The following KCNQ3 variants were observed in gnomAD, a reference collection of about 807,000 sequenced individuals.
KCNQ3 encodes potassium voltage-gated channel subfamily Q member 3.
Under a neutral mutation model 92.5 loss-of-function variants are expected in KCNQ3, and 30 were observed. The observed-to-expected ratio is 0.32, with a 90% CI of 0.24 to 0.44. The LOEUF (loss-of-function observed/expected upper bound fraction) is 0.44, where lower values mean the gene tolerates loss of function less well. Ranked by LOEUF, KCNQ3 falls within the 20% of genes least tolerant of loss-of-function variation. KCNQ3 has a pLI of 1.00. For synonymous variants in KCNQ3, 450 were observed against 468.8 expected, an observed-to-expected ratio of 0.96 and a Z score of 0.52; for missense variants, 913 against 1,140.3, an observed-to-expected ratio of 0.80 and a Z score of 2.87.
chr8:132,310,252 C>T (rs545584776), intron 1 of KCNQ3, among the ~76,000 whole-genome samples: 1 of 152,318 alleles, frequency 6.6e-6, no homozygotes, highest in African/African-American at 2.4e-5. Context: ...GCTTTCACTG[C>T]TGTTTTACTG....
In KCNQ3 at chr8:132,480,432, G is replaced by T. The variant is rs1412895282; in HGVS notation, c.101C>A (p.Ala34Glu). 3 of 1,457,190 alleles carry T rather than the reference G, an allele frequency of 2.1e-6. No homozygotes were observed. The highest frequency in any genetic ancestry group is 2.7e-6 in the Non-Finnish European group (3 of 1,107,888). 90.3% of individuals were successfully genotyped at this position (1,457,190 alleles called of 1,614,324 possible). The change falls in exon 1 of 15, where the codon GCG becomes GAG. Residue 34 changes from alanine (A) to glutamate (E), a missense_variant. By Grantham distance (107) the Ala-to-Glu change is moderately radical. Transcript: ENST00000388996. ...TTTCCGCTCCTCGTCGCCGGCCGCC[G>T]CCGCGTCCCCTCCGGCTGGGTTAGC... The part of the protein sequence containing the change: ...GAANPAGGDA[A>E]AAGDEERKVG...
At chr8:132,460,764 A>C (rs1822043186) in intron 1 of KCNQ3, among the ~76,000 whole-genome samples, 1 of 152,212 alleles carries the variant, frequency 6.6e-6, no homozygotes, top group South Asian at 2.1e-4. Flanking sequence ...CACAAGGCTC[A>C]ATTTTTGTGC....
At chr8:132,226,496 A>G (rs1814425111) in intron 1 of KCNQ3, among the ~76,000 whole-genome samples, 1 of 152,196 alleles carries the variant, frequency 6.6e-6, no homozygotes, top group Admixed American at 6.5e-5. Flanking sequence ...TAAACTAAGA[A>G]ATTGACAAGT....
chr8:132,143,085 A>C (rs1166202994), intron 9 of KCNQ3, among the ~76,000 whole-genome samples: 1 of 152,202 alleles, frequency 6.6e-6, no homozygotes, highest in Non-Finnish European at 1.5e-5. Flanking sequence ...AGCAGTGAGC[A>C]GTTGTTATTC....
intron 3 of KCNQ3, 29 bp downstream of exon 3, chr8:132,184,212 A>C (rs758273512): frequency 6.2e-7 from 1 of 1,613,948 alleles, no homozygotes; most frequent in Non-Finnish European, 8.5e-7. Flanking sequence ...GGAACTGAGG[A>C]GGCTGGGAGG....
At chr8:132,144,278 C>A (rs1421746351) in intron 9 of KCNQ3, among the ~76,000 whole-genome samples, 1 of 152,206 alleles carries the variant, frequency 6.6e-6, no homozygotes, top group Non-Finnish European at 1.5e-5. Context: ...ACCTAAGAGG[C>A]TTATGGAATT....
At chr8:132,233,036 G>C (rs761599651) in intron 1 of KCNQ3, among the ~76,000 whole-genome samples, 4 of 152,172 alleles carry the variant, frequency 2.6e-5, no homozygotes, top group Non-Finnish European at 5.9e-5. Context: ...GCAGCTGCCT[G>C]CTTCAAATAT....
chr8:132,292,532 G>A (rs1234213894), intron 1 of KCNQ3, among the ~76,000 whole-genome samples: 1 of 152,128 alleles, frequency 6.6e-6, no homozygotes, highest in African/African-American at 2.4e-5. Flanking sequence ...TATAAGTGGA[G>A]ATATGGTTGA....
At chr8:132,306,603 C>T (rs1817430872) in intron 1 of KCNQ3, among the ~76,000 whole-genome samples, 1 of 152,164 alleles carries the variant, frequency 6.6e-6, no homozygotes, top group Non-Finnish European at 1.5e-5. Context: ...AGTATATGCA[C>T]ATCTAAATTT....
At chr8:132,365,262 T>C (rs1366171480) in intron 1 of KCNQ3, among the ~76,000 whole-genome samples, 3 of 152,272 alleles carry the variant, frequency 2.0e-5, no homozygotes, top group Non-Finnish European at 4.4e-5. Context: ...GCAAAGGAGC[T>C]AACATTTATT....
At chr8:132,366,995 G>T (rs931224150) in intron 1 of KCNQ3, among the ~76,000 whole-genome samples, 1 of 151,972 alleles carries the variant, frequency 6.6e-6, no homozygotes, top group African/African-American at 2.4e-5. Flanking sequence ...CTTATTTTTC[G>T]ATCTGAGCTG....
intron 1 of KCNQ3, chr8:132,447,239 G>T (rs2130845793): frequency 6.5e-7 from 1 of 1,535,592 alleles, no homozygotes; most frequent in South Asian, 1.2e-5. Flanking sequence ...GGTAATGAAT[G>T]CAAGAACAAG....
intron 1 of KCNQ3, among the ~76,000 whole-genome samples, chr8:132,240,162 CA>C (rs1814941583): frequency 1.3e-5 from 2 of 150,786 alleles, no homozygotes; most frequent in Admixed American, 1.3e-4. Context: ...ATGGCATATC[CA>C]TAGGCCTGTG....
In KCNQ3 at chr8:132,476,469, T is replaced by C. The variant is rs1432851299; in HGVS notation, c.386+3678A>G. Among the ~76,000 whole-genome samples, 6 of 152,218 alleles carry C rather than the reference T, an allele frequency of 3.9e-5. 1 individual carries two copies. Among genetic ancestry groups the C allele is most frequent in the Admixed American group, 2.6e-4 (4 of 15,284 alleles). Reference sequence around the variant, plus strand: ...ACAAGGGTGGAGCTGCCCAAGGCCATGGAAGCCCAAGCCTTGCATTAGGGT... The same window carrying C: ...ACAAGGGTGGAGCTGCCCAAGGCCACGGAAGCCCAAGCCTTGCATTAGGGT... On this transcript the variant is annotated intron_variant, in intron 1 of 14. Coordinates refer to ENST00000388996, the MANE Select transcript of KCNQ3 (RefSeq NM_004519.4).
intron 1 of KCNQ3, among the ~76,000 whole-genome samples, chr8:132,413,991 G>A (rs746906343): frequency 5.3e-5 from 8 of 152,154 alleles, no homozygotes; most frequent in East Asian, 1.9e-4. Flanking sequence ...GGAGACGCCC[G>A]CCCCAGGTTT....
At chr8:132,332,771 C>T (rs1182273135) in intron 1 of KCNQ3, among the ~76,000 whole-genome samples, 1 of 152,190 alleles carries the variant, frequency 6.6e-6, no homozygotes, top group Non-Finnish European at 1.5e-5. Context: ...TCTTGTCTGG[C>T]CCAACTTACC....
intron 1 of KCNQ3, chr8:132,187,064 G>C (rs1826993544): frequency 2.4e-6 from 1 of 409,866 alleles, no homozygotes; most frequent in African/African-American, 2.1e-5. Context: ...CTTTGGCTTA[G>C]TTGTCAGTAC....
chr8:132,379,793 A>C (rs1452960975), intron 1 of KCNQ3, among the ~76,000 whole-genome samples: 2 of 151,782 alleles, frequency 1.3e-5, no homozygotes, highest in Non-Finnish European at 2.9e-5. Context: ...AATATATCTC[A>C]CCAAATTAAG....
At chr8:132,458,794 T>C (rs1278372433) in intron 1 of KCNQ3, among the ~76,000 whole-genome samples, 1 of 152,234 alleles carries the variant, frequency 6.6e-6, no homozygotes, top group Non-Finnish European at 1.5e-5. Flanking sequence ...GATACTGTAG[T>C]ACAGAATTCC....
Sources: gnomAD v4.1 joint callset for allele counts (sites outside exome capture counted in the v4.1 genomes callset) on GRCh38, gnomAD v4.1.1 for gene constraint, MANE v1.5 for transcripts, NCBI Gene and HGNC (gene_info 2026-07-23, HGNC 2026-07-21) for gene names.